The following FBXO4 variants were observed in gnomAD, a reference collection of about 807,000 sequenced individuals.
The protein encoded by FBXO4 is F-box protein 4.
A neutral mutation model predicts 43.7 loss-of-function variants in FBXO4; 36 were observed. The observed-to-expected ratio is 0.82, with a 90% CI of 0.63 to 1.09. The LOEUF is 1.09. Among genes scored for constraint, FBXO4 ranks in the 50% least tolerant of loss-of-function variants. The pLI is 0.00. For missense variants in FBXO4, 435 were observed against 474.1 expected (o/e 0.92, Z 0.77); for synonymous variants, 180 against 165.6 (o/e 1.09, Z -0.67).
chr5:41,927,531 T>C (rs1197239706), intron 2 of FBXO4, among the ~76,000 whole-genome samples: 2 of 152,208 alleles, frequency 1.3e-5, no homozygotes, highest in Non-Finnish European at 2.9e-5. Flanking sequence ...TTTAGAACAA[T>C]TGTCATTTTG....
At chr5:41,981,093 A>T in the FBXO4 span, among the ~76,000 whole-genome samples, 1 of 152,080 alleles carries the variant, frequency 6.6e-6, no homozygotes, top group Non-Finnish European at 1.5e-5. Flanking sequence ...CTGCTGAGTC[A>T]TAGTCTATCA....
At chr5:42,011,571 C>T in the FBXO4 span, among the ~76,000 whole-genome samples, 1 of 152,290 alleles carries the variant, frequency 6.6e-6, no homozygotes, top group Middle Eastern at 3.4e-3. Context: ...GTGCCTGGCT[C>T]TTACGGATAT....
chr5:42,011,854 T>G, the FBXO4 span, among the ~76,000 whole-genome samples: 5 of 152,238 alleles, frequency 3.3e-5, no homozygotes, highest in Non-Finnish European at 7.3e-5. Flanking sequence ...TGGACATTCC[T>G]TGTTTTGGGA....
At chr5:42,014,935 T>A in the FBXO4 span, among the ~76,000 whole-genome samples, 1 of 152,138 alleles carries the variant, frequency 6.6e-6, no homozygotes, top group Non-Finnish European at 1.5e-5. Flanking sequence ...TTCATCATAA[T>A]GAAAAATACA....
At chr5:41,982,453 G>A in the FBXO4 span, among the ~76,000 whole-genome samples, 1 of 151,892 alleles carries the variant, frequency 6.6e-6, no homozygotes, top group African/African-American at 2.4e-5. Context: ...TAATTTCATT[G>A]CTGTTTTAAT....
the FBXO4 span, among the ~76,000 whole-genome samples, chr5:41,968,524 C>T: frequency 6.6e-6 from 1 of 152,210 alleles, no homozygotes; most frequent in Admixed American, 6.5e-5. Context: ...GTGACACAGT[C>T]TCCCAGCAGG....
chr5:41,967,632 T>C, the FBXO4 span: 1 of 992,460 alleles, frequency 1.0e-6, no homozygotes, highest in Non-Finnish European at 1.6e-6. Context: ...GGAATGCCAG[T>C]TTGCTTAATT....
chr5:41,972,690 G>C, the FBXO4 span, among the ~76,000 whole-genome samples: 1 of 152,126 alleles, frequency 6.6e-6, no homozygotes, highest in Non-Finnish European at 1.5e-5. Flanking sequence ...CAAGACTACA[G>C]TAACCAAAAC....
In FBXO4 at chr5:41,934,226, G is replaced by C; in HGVS notation, c.816G>C (p.Arg272=). 2 of 1,614,102 alleles carry C rather than the reference G, an allele frequency of 1.2e-6. No individual in the cohort carries two copies. Among genetic ancestry groups the C allele is most frequent in the Non-Finnish European group, 1.7e-6 (2 of 1,180,004 alleles). ...HNEGDDQQGS[R]YSVIPQIQKV... ...AAGGTGATGATCAACAAGGAAGCCG[G>C]TACAGTGTGATTCCACAGATTCAAA... The change falls in exon 5 of 7, where the codon CGG becomes CGC. Residue 272 remains arginine (R), a synonymous_variant. Transcript: ENST00000281623.
chr5:41,945,082 C>G (rs1049663824), downstream of FBXO4, among the ~76,000 whole-genome samples: 1 of 152,132 alleles, frequency 6.6e-6, no homozygotes, highest in Non-Finnish European at 1.5e-5. Flanking sequence ...AGGAAACTGT[C>G]ATTAACATGC....
chr5:42,024,965 T>C, the FBXO4 span, among the ~76,000 whole-genome samples: 4 of 152,164 alleles, frequency 2.6e-5, no homozygotes, highest in Non-Finnish European at 4.4e-5. Flanking sequence ...TGGACACTTA[T>C]GTTGCTTCCA....
Position 41,930,185 on chromosome 5 carries a change from G to A in FBXO4, c.646+268G>A, listed in dbSNP as rs531104778. 2.4e-4 allele frequency: 88 copies of A among 359,526 alleles called. No individual in the cohort carries two copies. The Middle Eastern group carries it at 3.7e-3, about 15-fold the overall frequency. The allele number at this position is 359,526 out of a possible 1,614,324, so 22.3% of individuals were successfully genotyped here. Reference sequence around the variant, plus strand: ...GTTGTCAAGATGTTGCATTTGTACAGTGGGATATCATATTTATCATGTTTG... The same window carrying A: ...GTTGTCAAGATGTTGCATTTGTACAATGGGATATCATATTTATCATGTTTG... On this transcript the variant is annotated intron_variant, in intron 3 of 6. Coordinates refer to ENST00000281623, the MANE Select transcript of FBXO4 (RefSeq NM_012176.3).
chr5:42,003,286 G>C, the FBXO4 span, among the ~76,000 whole-genome samples: 1 of 152,196 alleles, frequency 6.6e-6, no homozygotes, highest in Non-Finnish European at 1.5e-5. Flanking sequence ...CTTGTGTGAT[G>C]AAGGATGCAG....
chr5:42,037,007 C>T, the FBXO4 span, among the ~76,000 whole-genome samples: 1 of 152,056 alleles, frequency 6.6e-6, no homozygotes, highest in Non-Finnish European at 1.5e-5. Flanking sequence ...CCAAATTTCT[C>T]TTTCCTCACA....
At chr5:41,991,013 G>A in the FBXO4 span, among the ~76,000 whole-genome samples, 2 of 152,120 alleles carry the variant, frequency 1.3e-5, no homozygotes, top group South Asian at 2.1e-4. Flanking sequence ...AAGTCTAGAT[G>A]AATTAAATAT....
the FBXO4 span, among the ~76,000 whole-genome samples, chr5:41,954,385 T>C: frequency 6.6e-6 from 1 of 152,212 alleles, no homozygotes; most frequent in Non-Finnish European, 1.5e-5. Flanking sequence ...AGGAATGTTA[T>C]GCAATTCTCC....
At chr5:41,982,886 A>C in the FBXO4 span, among the ~76,000 whole-genome samples, 2 of 151,744 alleles carry the variant, frequency 1.3e-5, no homozygotes, top group South Asian at 4.2e-4. Flanking sequence ...CCCCCTCAAC[A>C]AGCCCTGGTG....
chr5:41,963,820 C>T, the FBXO4 span: 1 of 152,040 alleles, frequency 6.6e-6, no homozygotes, highest in African/African-American at 2.4e-5. Flanking sequence ...CAGTTTAAAC[C>T]TACATGGTTC....
At chr5:41,999,480 CAT>C in the FBXO4 span, among the ~76,000 whole-genome samples, 103,873 of 114,712 alleles carry the variant, frequency 0.91, 47,085 homozygotes, top group Non-Finnish European at 0.96. Flanking sequence ...TATATATACA[CAT>C]ATATATATAT....
Sources: gnomAD v4.1 joint callset for allele counts (sites outside exome capture counted in the v4.1 genomes callset) on GRCh38, gnomAD v4.1.1 for gene constraint, MANE v1.5 for transcripts, NCBI Gene and HGNC (gene_info 2026-07-23, HGNC 2026-07-21) for gene names.